ADAM12: variants seen among roughly 807,000 people sequenced by gnomAD.
The protein encoded by ADAM12 is ADAM metallopeptidase domain 12, also known as disintegrin and metalloproteinase domain-containing protein 12.
A neutral mutation model predicts 106.4 loss-of-function variants in ADAM12; 70 were observed. The ratio of observed to expected loss-of-function variants is 0.66; its 90% confidence interval spans 0.54 to 0.80. The LOEUF (loss-of-function observed/expected upper bound fraction) is 0.80, where lower values mean the gene tolerates loss of function less well. Among genes scored for constraint, ADAM12 ranks in the 30% least tolerant of loss-of-function variants. The probability of loss-of-function intolerance (pLI) is 0.00; values close to 1 mark genes in which losing one functional copy is unlikely to be tolerated. For missense variants in ADAM12, 1,010 were observed against 1,171.9 expected, an observed-to-expected ratio of 0.86 and a Z score of 2.02; for synonymous variants, 420 against 433.5, an observed-to-expected ratio of 0.97 and a Z score of 0.39.
intron 3 of ADAM12, among the ~76,000 whole-genome samples, chr10:126,251,147 T>G (rs1357225423): frequency 6.6e-6 from 1 of 152,218 alleles, no homozygotes; most frequent in Non-Finnish European, 1.5e-5. Flanking sequence ...GGACAGTCCT[T>G]GGCAGACCCT....
chr10:126,381,985 A>C (rs907392666), intron 1 of ADAM12, among the ~76,000 whole-genome samples: 3 of 152,074 alleles, frequency 2.0e-5, no homozygotes, highest in Middle Eastern at 3.4e-3. Flanking sequence ...AAAAAAAAAA[A>C]AACAATAATA....
At chr10:126,284,785 A>T (rs1222202736) in intron 2 of ADAM12, among the ~76,000 whole-genome samples, 3 of 151,798 alleles carry the variant, frequency 2.0e-5, no homozygotes, top group African/African-American at 7.3e-5. Context: ...TTTTTCTTCC[A>T]TGTTTGGCAG....
intron 3 of ADAM12, among the ~76,000 whole-genome samples, chr10:126,196,446 A>T (rs993912326): frequency 3.5e-4 from 54 of 152,178 alleles, no homozygotes; most frequent in African/African-American, 1.2e-3. Context: ...ACAGATGCTC[A>T]CTATAGGTTT....
At position 126,102,337 on chromosome 10, in the gene ADAM12, G is replaced by A. The variant is rs183241900; in HGVS notation, c.742-1096C>T. ...ATCTTCTGAGATCCCAGGTAGCCAC[G>A]GAGAAAAGGGTGGCTAGTGATAGCA... is the stretch of plus-strand genomic sequence containing the variant. On this transcript the variant is annotated intron_variant, in intron 8 of 22. Coordinates refer to ENST00000448723, the MANE Select transcript of ADAM12 (RefSeq NM_001288973.2). Among the ~76,000 whole-genome samples the A allele has an allele frequency of 9.9e-5, 15 of 152,266 alleles. No homozygotes were observed. In the East Asian group the frequency reaches 2.1e-3, roughly 22 times the overall value.
intron 4 of ADAM12, among the ~76,000 whole-genome samples, chr10:126,153,681 AT>A (rs71486581): frequency 0.18 from 27,013 of 151,324 alleles, 2,438 homozygotes; most frequent in Middle Eastern, 0.21. Flanking sequence ...TGTAATTTTG[AT>A]TTGGGGCTCA....
chr10:126,299,713 G>A (rs916566262), intron 2 of ADAM12, among the ~76,000 whole-genome samples: 5 of 151,568 alleles, frequency 3.3e-5, no homozygotes, highest in Admixed American at 1.3e-4. Context: ...GCGCAATGTC[G>A]GCTCACTGCA....
rs147708298 is a variant in ADAM12, at chr10:126,368,129, G to A, written c.88+19929C>T. On this transcript the variant is annotated intron_variant, in intron 1 of 22. Transcript: ENST00000448723. ...CATATAAGTATATGTATGCATGTGT[G>A]TATATATATGTGTGTATGTGTATAT... is the stretch of plus-strand genomic sequence containing the variant. Among the ~76,000 whole-genome samples the A allele has an allele frequency of 4.2e-3, 642 of 151,904 alleles. 2 individuals carry two copies. Among genetic ancestry groups the A allele is most frequent in the African/African-American group, 0.015 (608 of 41,484 alleles).
chr10:126,360,531 G>A (rs981814088), intron 1 of ADAM12, among the ~76,000 whole-genome samples: 2 of 152,316 alleles, frequency 1.3e-5, no homozygotes, highest in Middle Eastern at 6.8e-3. Flanking sequence ...AATGCTACCA[G>A]TGTCTTTGCT....
At chr10:126,072,115 T>C (rs1227014719) in intron 11 of ADAM12, among the ~76,000 whole-genome samples, 1 of 152,172 alleles carries the variant, frequency 6.6e-6, no homozygotes, top group African/African-American at 2.4e-5. Flanking sequence ...GGACACATGG[T>C]TCCACTGTAG....
rs561358889 is a variant in ADAM12 at position 126,196,544 on chromosome 10, C to A, written c.261-41239G>T. 2.0e-5 allele frequency among the ~76,000 whole-genome samples: 3 copies of A among 152,292 alleles called. No individual in the cohort carries two copies. In the South Asian group the frequency reaches 6.2e-4, roughly 32 times the overall value. ...TTTGATTGAAGACACATTTACTGAG[C>A]AACTCTGATTGGCTCAATGACCTAC... On this transcript the variant is annotated intron_variant, in intron 3 of 22. Transcript: ENST00000448723.
intron 10 of ADAM12, among the ~76,000 whole-genome samples, chr10:126,095,080 CCT>C (rs1202195425): frequency 2.6e-5 from 4 of 152,012 alleles, no homozygotes; most frequent in African/African-American, 7.2e-5. Context: ...AGGAAAATAC[CCT>C]GTTTGAATCT....
chr10:126,023,203 T>G (rs749852336), intron 21 of ADAM12, among the ~76,000 whole-genome samples: 1 of 152,100 alleles, frequency 6.6e-6, no homozygotes, highest in Admixed American at 6.5e-5. Context: ...AAAACAATTG[T>G]GGGAATTATG....
At chr10:126,329,797 G>A (rs974978058) in intron 2 of ADAM12, among the ~76,000 whole-genome samples, 1 of 152,100 alleles carries the variant, frequency 6.6e-6, no homozygotes, top group African/African-American at 2.4e-5. Flanking sequence ...CCATCTGTAT[G>A]ATCTCTTCAA....
At chr10:126,230,045 A>C (rs10901564) in intron 3 of ADAM12, among the ~76,000 whole-genome samples, 6,544 of 152,012 alleles carry the variant, frequency 0.043, 223 homozygotes, top group African/African-American at 0.079. Flanking sequence ...ATTCTTACTG[A>C]TCCTTCCATT....
At chr10:126,252,463 T>C (rs1477093055) in intron 3 of ADAM12, among the ~76,000 whole-genome samples, 4 of 152,146 alleles carry the variant, frequency 2.6e-5, no homozygotes, top group Non-Finnish European at 5.9e-5. Flanking sequence ...AGGGAGCTGA[T>C]GATGTAACTC....
At chr10:126,361,449 T>C (rs974083486) in intron 1 of ADAM12, among the ~76,000 whole-genome samples, 5 of 152,114 alleles carry the variant, frequency 3.3e-5, no homozygotes, top group Admixed American at 6.5e-5. Flanking sequence ...AAAATTTATA[T>C]GGAATCACAA....
chr10:126,059,350 T>G (rs773248963), intron 14 of ADAM12, among the ~76,000 whole-genome samples: 1 of 152,180 alleles, frequency 6.6e-6, no homozygotes, highest in Non-Finnish European at 1.5e-5. Context: ...GACAAAGGCA[T>G]TTTTACAGAC....
At chr10:126,277,216 C>G (rs1212933916) in intron 3 of ADAM12, among the ~76,000 whole-genome samples, 1 of 152,132 alleles carries the variant, frequency 6.6e-6, no homozygotes, top group Non-Finnish European at 1.5e-5. Flanking sequence ...TCCCTTCCCC[C>G]CTATAATGTT....
At position 126,206,860 on chromosome 10, in the gene ADAM12, C is replaced by CGGGG. The variant is rs907511503; in HGVS notation, c.261-51559_261-51556dup. Among the ~76,000 whole-genome samples the CGGGG allele has an allele frequency of 1.6e-4, 16 of 97,832 alleles. 3 individuals carry two copies. The highest frequency in any genetic ancestry group is 5.4e-4 in the African/African-American group (14 of 26,110). The allele number at this position is 97,832 out of a possible 152,430, so 64.2% of individuals were successfully genotyped here. ...CCTGAATTCCCATGTGTTGTGGGGGCGGGGGGGAGCCAGTGGGAGGTAATT... is the reference window on the plus strand; with the variant it reads ...CCTGAATTCCCATGTGTTGTGGGGGCGGGGGGGGGGGAGCCAGTGGGAGGTAATT... On this transcript the variant is annotated intron_variant, in intron 3 of 22. Coordinates refer to ENST00000448723, the MANE Select transcript of ADAM12 (RefSeq NM_001288973.2).
Sources: gnomAD v4.1 joint callset for allele counts (sites outside exome capture counted in the v4.1 genomes callset) on GRCh38, gnomAD v4.1.1 for gene constraint, MANE v1.5 for transcripts, NCBI Gene and HGNC (gene_info 2026-07-23, HGNC 2026-07-21) for gene names.